The following LRRTM4 variants were observed in gnomAD, a reference collection of about 807,000 sequenced individuals.
The protein encoded by LRRTM4 is leucine rich repeat transmembrane neuronal 4.
In LRRTM4, 25 loss-of-function variants were observed where a neutral mutation model predicts 47.6. That is an observed-to-expected ratio of 0.53 (90% CI 0.38 to 0.73). The LOEUF (loss-of-function observed/expected upper bound fraction) is 0.73, where lower values mean the gene tolerates loss of function less well. Ranked by LOEUF, LRRTM4 falls within the 30% of genes least tolerant of loss-of-function variation. The probability of loss-of-function intolerance (pLI) is 0.00; values close to 1 mark genes in which losing one functional copy is unlikely to be tolerated. For missense variants in LRRTM4, 638 were observed against 713.4 expected (o/e 0.89, Z 1.20); for synonymous variants, 311 against 269.5 (o/e 1.15, Z -1.51).
chr2:77,474,236 A>G (rs1322507605), intron 3 of LRRTM4, among the ~76,000 whole-genome samples: 1 of 152,094 alleles, frequency 6.6e-6, no homozygotes, highest in Non-Finnish European at 1.5e-5. Flanking sequence ...GATGAGAGAG[A>G]GAAAGCACAA....
intron 3 of LRRTM4, among the ~76,000 whole-genome samples, chr2:77,499,104 CT>C (rs1178628818): frequency 6.6e-6 from 1 of 151,834 alleles, no homozygotes; most frequent in Non-Finnish European, 1.5e-5. Context: ...TTTGCTTTTG[CT>C]TACCCAGAGG....
intron 3 of LRRTM4, among the ~76,000 whole-genome samples, chr2:76,909,614 C>G (rs1447397874): frequency 6.6e-6 from 1 of 151,944 alleles, no homozygotes; most frequent in Non-Finnish European, 1.5e-5. Context: ...GGGCTAATAT[C>G]CAGAATCTAC....
chr2:76,935,887 G>T (rs1674929309), intron 3 of LRRTM4, among the ~76,000 whole-genome samples: 1 of 152,240 alleles, frequency 6.6e-6, no homozygotes, highest in Admixed American at 6.5e-5. Context: ...TGTTGAATAG[G>T]AGTGGTGAGA....
At chr2:76,808,169 C>T (rs1035279461) in intron 3 of LRRTM4, among the ~76,000 whole-genome samples, 14 of 151,526 alleles carry the variant, frequency 9.2e-5, no homozygotes, top group African/African-American at 2.2e-4. Flanking sequence ...TACAGGCGCC[C>T]GCCACGACGC....
chr2:76,968,361 T>TAC (rs1479861157), intron 3 of LRRTM4, among the ~76,000 whole-genome samples: 18 of 121,288 alleles, frequency 1.5e-4, no homozygotes, highest in African/African-American at 4.9e-4. Flanking sequence ...TATATATATA[T>TAC]ATATATATAT....
At chr2:77,380,926 A>T (rs1304511161) in intron 3 of LRRTM4, among the ~76,000 whole-genome samples, 1 of 152,172 alleles carries the variant, frequency 6.6e-6, no homozygotes, top group Non-Finnish European at 1.5e-5. Context: ...TTTAGAAAAC[A>T]ATATTTTAAA....
chr2:77,080,056 G>T (rs189785524), intron 3 of LRRTM4, among the ~76,000 whole-genome samples: 1 of 151,890 alleles, frequency 6.6e-6, no homozygotes, highest in African/African-American at 2.4e-5. Flanking sequence ...TTCTCATTTG[G>T]ATTTTATCTC....
chr2:77,262,774 A>G (rs984716439), intron 3 of LRRTM4, among the ~76,000 whole-genome samples: 1 of 152,062 alleles, frequency 6.6e-6, no homozygotes, highest in African/African-American at 2.4e-5. Context: ...TACCAAGAGT[A>G]CTGCAATATT....
At chr2:76,857,694 A>C (rs934905991) in intron 3 of LRRTM4, among the ~76,000 whole-genome samples, 7 of 152,168 alleles carry the variant, frequency 4.6e-5, no homozygotes, top group Admixed American at 4.6e-4. Context: ...CTGTTTTGGC[A>C]ACATAATTTT....
chr2:76,955,057 C>A (rs1675626490), intron 3 of LRRTM4, among the ~76,000 whole-genome samples: 1 of 151,714 alleles, frequency 6.6e-6, no homozygotes, highest in South Asian at 2.1e-4. Context: ...CACCATTAGA[C>A]CTGCCTTCCA....
At chr2:77,078,002 C>A (rs1241201485) in intron 3 of LRRTM4, among the ~76,000 whole-genome samples, 2 of 152,158 alleles carry the variant, frequency 1.3e-5, no homozygotes, top group African/African-American at 4.8e-5. Flanking sequence ...GTGTTTGAAT[C>A]CCAGTTTTTC....
intron 3 of LRRTM4, among the ~76,000 whole-genome samples, chr2:76,783,821 G>T (rs189291746): frequency 1.3e-5 from 2 of 151,996 alleles, no homozygotes; most frequent in Non-Finnish European, 2.9e-5. Context: ...CAGCAGTGCC[G>T]TATATTTTAA....
intron 3 of LRRTM4, among the ~76,000 whole-genome samples, chr2:76,754,307 A>G (rs1045831741): frequency 6.6e-6 from 1 of 152,174 alleles, no homozygotes; most frequent in South Asian, 2.1e-4. Flanking sequence ...GTACATGTAA[A>G]CAAGTTTGGG....
intron 3 of LRRTM4, among the ~76,000 whole-genome samples, chr2:77,379,662 C>A (rs943285585): frequency 6.6e-6 from 1 of 151,830 alleles, no homozygotes; most frequent in East Asian, 1.9e-4. Flanking sequence ...TTTAATTACG[C>A]CTTTGTGATA....
intron 3 of LRRTM4, among the ~76,000 whole-genome samples, chr2:77,067,216 T>C (rs13414072): frequency 0.15 from 23,082 of 151,990 alleles, 2,591 homozygotes; most frequent in East Asian, 0.42. Context: ...TTAAAATGAC[T>C]GAAGAAAGAA....
chr2:76,798,126 C>T (rs555100930), intron 3 of LRRTM4, among the ~76,000 whole-genome samples: 2 of 152,180 alleles, frequency 1.3e-5, no homozygotes, highest in African/African-American at 4.8e-5. Flanking sequence ...GAACTCTCCA[C>T]ACCAAATCAA....
At chr2:77,358,868 C>T (rs1672071891) in intron 3 of LRRTM4, among the ~76,000 whole-genome samples, 1 of 152,134 alleles carries the variant, frequency 6.6e-6, no homozygotes, top group South Asian at 2.1e-4. Flanking sequence ...TGTATGGTGG[C>T]AGATCCAAGA....
intron 3 of LRRTM4, among the ~76,000 whole-genome samples, chr2:76,905,256 C>CT (rs2103759073): frequency 6.6e-6 from 1 of 152,260 alleles, no homozygotes; most frequent in Non-Finnish European, 1.5e-5. Context: ...GAGTGGACCT[C>CT]TAGCAAATTC....
At chr2:77,442,497 ACAAATT>A (rs1573420408) in intron 3 of LRRTM4, among the ~76,000 whole-genome samples, 1 of 152,206 alleles carries the variant, frequency 6.6e-6, no homozygotes, top group Non-Finnish European at 1.5e-5. Flanking sequence ...TATACCACCT[ACAAATT>A]GGCATGGTGA....
Sources: gnomAD v4.1 joint callset for allele counts (sites outside exome capture counted in the v4.1 genomes callset) on GRCh38, gnomAD v4.1.1 for gene constraint, MANE v1.5 for transcripts, NCBI Gene and HGNC (gene_info 2026-07-23, HGNC 2026-07-21) for gene names.